Variants in FHIT observed in about 807,000 individuals in gnomAD.
FHIT encodes the protein fragile histidine triad diadenosine triphosphatase.
A neutral mutation model predicts 17.9 loss-of-function variants in FHIT; 19 were observed. That is an observed-to-expected ratio of 1.06 (90% CI 0.74 to 1.56). FHIT has a LOEUF of 1.56. FHIT is among the 40% of genes most tolerant of loss of function. The pLI is 0.00. For synonymous variants in FHIT, 81 were observed against 69.7 expected (o/e 1.16, Z -0.81); for missense variants, 248 against 189.2 (o/e 1.31, Z -1.82).
chr3:60,799,697 T>G (rs1553731692), intron 4 of FHIT, among the ~76,000 whole-genome samples: 3 of 152,214 alleles, frequency 2.0e-5, no homozygotes, highest in African/African-American at 7.2e-5. Context: ...TTTTCATTTT[T>G]ACATCTCTGC....
rs1311839276 is a variant in FHIT at position 60,639,537 on chromosome 3, G to T, written c.-17-102558C>A. On this transcript the variant is annotated intron_variant, in intron 4 of 9. Coordinates refer to ENST00000492590, the MANE Select transcript of FHIT (RefSeq NM_002012.4). ...AAATTTCATTTGAGAAACTCAAAAGGCTTGAATTGTTAGGACAAACTAGAA... is the reference window on the plus strand; with the variant it reads ...AAATTTCATTTGAGAAACTCAAAAGTCTTGAATTGTTAGGACAAACTAGAA... 2.6e-5 allele frequency among the ~76,000 whole-genome samples: 4 copies of T among 152,242 alleles called. No homozygotes were observed. The East Asian group carries it at 7.7e-4, about 29-fold the overall frequency.
chr3:59,969,399 C>T (rs957017774), intron 7 of FHIT, among the ~76,000 whole-genome samples: 1 of 152,008 alleles, frequency 6.6e-6, no homozygotes, highest in African/African-American at 2.4e-5. Context: ...TCCCCAAACC[C>T]CCAAATTTTG....
At chr3:60,486,546 T>C (rs777484084) in intron 5 of FHIT, among the ~76,000 whole-genome samples, 2 of 152,108 alleles carry the variant, frequency 1.3e-5, no homozygotes, top group African/African-American at 2.4e-5. Flanking sequence ...AAAGAAAGCA[T>C]TGCATACCAT....
In FHIT at chr3:59,752,223, G is replaced by C. The variant is rs1327834836; in HGVS notation, c.*3C>G. On this transcript the variant is annotated splice_region_variant and 3_prime_UTR_variant, in exon 9 of 10. Coordinates refer to ENST00000492590, the MANE Select transcript of FHIT (RefSeq NM_002012.4). ...TAATGACGAAATGCAGTCTTTACCT[G>C]TGTCACTGAAAGTAGACCCGCAGAG... 2 of 1,610,254 alleles carry C rather than the reference G, an allele frequency of 1.2e-6. No individual in the cohort carries two copies. The highest frequency in any genetic ancestry group is 1.7e-6 in the Non-Finnish European group (2 of 1,177,116).
At chr3:60,109,523 T>C (rs1704579535) in intron 5 of FHIT, among the ~76,000 whole-genome samples, 1 of 152,108 alleles carries the variant, frequency 6.6e-6, no homozygotes, top group Admixed American at 6.5e-5. Flanking sequence ...TCACAACCCT[T>C]AGGGTTTATG....
At chr3:60,132,509 T>C (rs983012266) in intron 5 of FHIT, among the ~76,000 whole-genome samples, 2 of 152,344 alleles carry the variant, frequency 1.3e-5, no homozygotes, top group African/African-American at 2.4e-5. Flanking sequence ...AGGCCCTTGA[T>C]AGATGTTAAA....
In FHIT at chr3:59,814,709, G is replaced by A. The variant is rs151142606; in HGVS notation, c.349-62388C>T. 6.8e-4 allele frequency among the ~76,000 whole-genome samples: 103 copies of A among 152,156 alleles called. 2 individuals are homozygous for A. The highest frequency in any genetic ancestry group is 2.3e-3 in the African/African-American group (94 of 41,504). On this transcript the variant is annotated intron_variant, in intron 8 of 9. Coordinates refer to ENST00000492590, the MANE Select transcript of FHIT (RefSeq NM_002012.4). ...ATCCTTCAGTATTTATAGAGCATCC[G>A]GCCTGTGCTAGGAGCTTGAAAAGAC...
At chr3:60,129,516 A>C (rs756311376) in intron 5 of FHIT, among the ~76,000 whole-genome samples, 2 of 152,208 alleles carry the variant, frequency 1.3e-5, no homozygotes, top group Non-Finnish European at 2.9e-5. Flanking sequence ...TTCCTAGACT[A>C]CATGTTGATG....
intron 5 of FHIT, among the ~76,000 whole-genome samples, chr3:60,450,542 G>C (rs433401): frequency 0.11 from 17,333 of 152,092 alleles, 1,108 homozygotes; most frequent in Middle Eastern, 0.22. Flanking sequence ...AGTTTGAGAG[G>C]GGATGCTGGA....
chr3:60,087,015 T>G (rs1436632745), intron 5 of FHIT, among the ~76,000 whole-genome samples: 9 of 152,130 alleles, frequency 5.9e-5, no homozygotes, highest in Admixed American at 5.9e-4. Flanking sequence ...TAAAATCCTC[T>G]GAAATCTATG....
intron 4 of FHIT, among the ~76,000 whole-genome samples, chr3:60,727,926 C>T (rs1009094750): frequency 1.3e-5 from 2 of 152,172 alleles, no homozygotes; most frequent in East Asian, 1.9e-4. Flanking sequence ...ATGGCGTGAA[C>T]CCGGGAGGCA....
At chr3:60,885,583 T>C (rs1174214972) in intron 3 of FHIT, among the ~76,000 whole-genome samples, 2 of 152,158 alleles carry the variant, frequency 1.3e-5, no homozygotes, top group Middle Eastern at 3.2e-3. Flanking sequence ...GAAATTCCAG[T>C]CTCCCAGCCA....
intron 7 of FHIT, among the ~76,000 whole-genome samples, chr3:60,008,403 C>A (rs1700004474): frequency 6.6e-6 from 1 of 152,074 alleles, no homozygotes. Context: ...TTTCCCTTTC[C>A]TGACTACAAG....
At chr3:60,515,187 A>T (rs1045365340) in intron 5 of FHIT, among the ~76,000 whole-genome samples, 2 of 152,146 alleles carry the variant, frequency 1.3e-5, no homozygotes, top group Non-Finnish European at 2.9e-5. Flanking sequence ...ATTCCATCCT[A>T]GTGTGAGCGG....
chr3:60,714,560 T>C (rs1328679588), intron 4 of FHIT, among the ~76,000 whole-genome samples: 7 of 152,192 alleles, frequency 4.6e-5, no homozygotes, highest in Non-Finnish European at 7.3e-5. Flanking sequence ...AAAATCTCCT[T>C]AAGCTGATAA....
intron 3 of FHIT, among the ~76,000 whole-genome samples, chr3:61,021,468 G>A (rs559089463): frequency 0.02 from 2,844 of 142,938 alleles, 103 homozygotes; most frequent in African/African-American, 0.065. Context: ...GCGTAGCGGC[G>A]GGCGCCTGTA....
At chr3:60,191,827 T>TTTTAAACA (rs1702415339) in intron 5 of FHIT, among the ~76,000 whole-genome samples, 2 of 152,134 alleles carry the variant, frequency 1.3e-5, no homozygotes, top group Non-Finnish European at 2.9e-5. Flanking sequence ...TAAAAAGTCA[T>TTTTAAACA]TTTTAAACAT....
rs141088839 is a variant in FHIT at position 60,244,663 on chromosome 3, T to C, written c.104-230511A>G. ...AATGAGAAGTTTGATTTTTAGGATC[T>C]TGAGTGTTCTGAATTGTGCTCAACA... On this transcript the variant is annotated intron_variant, in intron 5 of 9. Transcript: ENST00000492590. Among the ~76,000 whole-genome samples the C allele has an allele frequency of 1.4e-4, 22 of 152,222 alleles. No homozygotes were observed. In the East Asian group the frequency reaches 3.9e-3, roughly 27 times the overall value.
chr3:60,764,930 A>T (rs1699796904), intron 4 of FHIT, among the ~76,000 whole-genome samples: 1 of 152,198 alleles, frequency 6.6e-6, no homozygotes, highest in African/African-American at 2.4e-5. Context: ...CAGGATTTTC[A>T]GATAGAAACA....
Sources: allele counts gnomAD v4.1 joint callset (sites outside exome capture counted in the v4.1 genomes callset), GRCh38; gene constraint gnomAD v4.1.1; transcripts MANE v1.5; gene names NCBI Gene and HGNC (gene_info 2026-07-23, HGNC 2026-07-21).